SSU72: variants seen among roughly 807,000 people sequenced by gnomAD.
The protein encoded by SSU72 is RNA polymerase II subunit A C-terminal domain phosphatase SSU72.
Under a neutral mutation model 22.7 loss-of-function variants are expected in SSU72, and 12 were observed. The ratio of observed to expected loss-of-function variants is 0.53; its 90% CI spans 0.34 to 0.86. The LOEUF (loss-of-function observed/expected upper bound fraction) is 0.86, where lower values mean the gene tolerates loss of function less well. Among genes scored for constraint, SSU72 ranks in the 40% least tolerant of loss-of-function variants. The pLI, the probability that SSU72 is intolerant of heterozygous loss-of-function variation, is 0.02. For missense variants in SSU72, 151 were observed against 249.8 expected, an observed-to-expected ratio of 0.60 and a Z score of 2.67; for synonymous variants, 116 against 98.3, an observed-to-expected ratio of 1.18 and a Z score of -1.06.
rs977075731 is a variant in SSU72 at position 1,554,361 on chromosome 1, C to A, written c.225-9359G>T. Among the ~76,000 whole-genome samples the A allele has an allele frequency of 6.6e-6, 1 of 151,892 alleles. No homozygotes were observed. The highest frequency in any genetic ancestry group is 1.5e-5 in the Non-Finnish European group (1 of 67,948). On this transcript the variant is annotated intron_variant, in intron 2 of 4. Coordinates refer to ENST00000291386, the MANE Select transcript of SSU72 (RefSeq NM_014188.3). The surrounding 1 kb of genome is among the most constrained non-coding windows in gnomAD (Gnocchi z 4.1). ...GATCCGGACCACTCGGGGGTCCCCA[C>A]GAAGCTGAGCATGAGGCGGATCCGG...
At chr1:1,547,982 G>A (rs945931036) in intron 2 of SSU72, among the ~76,000 whole-genome samples, 2 of 152,240 alleles carry the variant, frequency 1.3e-5, no homozygotes, top group East Asian at 1.9e-4. Context: ...GCAAGAAGGC[G>A]ACACCAGGCG....
chr1:1,557,838 T>C (rs1163496601), intron 2 of SSU72, among the ~76,000 whole-genome samples: 1 of 152,064 alleles, frequency 6.6e-6, no homozygotes, highest in Non-Finnish European at 1.5e-5. Flanking sequence ...GACAAGGAAA[T>C]GTCCACAGGG....
In SSU72 at chr1:1,560,246, G is replaced by A. The variant is rs78755737; in HGVS notation, c.224+4527C>T. The stretch of plus-strand genomic sequence containing the variant: ...CTTCCTCAGGCTGGAGCACAATGGC[G>A]CAATCACAGCTCAGTGAAGCCTCCT... On this transcript the variant is annotated intron_variant, in intron 2 of 4. Transcript: ENST00000291386. Among the ~76,000 whole-genome samples, 771 of 152,244 alleles carry A rather than the reference G, an allele frequency of 5.1e-3. 18 individuals carry two copies. In the East Asian group the frequency reaches 0.078, roughly 15 times the overall value.
At position 1,541,856 on chromosome 1, in the gene SSU72, C is replaced by T; in HGVS notation, c.*210G>A. 1 of 560,714 alleles carries T rather than the reference C, an allele frequency of 1.8e-6. No individual in the cohort carries two copies. Among genetic ancestry groups the T allele is most frequent in the Non-Finnish European group, 3.2e-6 (1 of 313,660 alleles). The allele number at this position is 560,714 out of a possible 1,614,324, so 34.7% of individuals were successfully genotyped here. On this transcript the variant is annotated 3_prime_UTR_variant, in exon 5 of 5. Coordinates refer to ENST00000291386, the MANE Select transcript of SSU72 (RefSeq NM_014188.3). ...GGTTAAAGAAGAAAAACTTTGTAAT[C>T]AATATCCTGCTCATAAGTAAAAGTG... is the stretch of plus-strand genomic sequence containing the variant.
At chr1:1,549,992 T>C (rs1440563698) in intron 2 of SSU72, among the ~76,000 whole-genome samples, 1 of 140,918 alleles carries the variant, frequency 7.1e-6, no homozygotes, top group Non-Finnish European at 1.5e-5. Context: ...AAAAAAAAGA[T>C]GGCAAAACCC....
At chr1:1,571,593 G>A (rs1250256611) in intron 1 of SSU72, among the ~76,000 whole-genome samples, 2 of 152,062 alleles carry the variant, frequency 1.3e-5, no homozygotes, top group Admixed American at 1.3e-4. Context: ...GGCGGCACAG[G>A]TAAAAGCACA....
intron 1 of SSU72, among the ~76,000 whole-genome samples, chr1:1,571,039 G>A (rs984665525): frequency 2.6e-5 from 4 of 152,112 alleles, no homozygotes; most frequent in Non-Finnish European, 5.9e-5. Context: ...GAGGTCAGGA[G>A]ATCGAGGCCA....
chr1:1,566,083 C>A (rs964330157), intron 1 of SSU72, among the ~76,000 whole-genome samples: 1 of 150,848 alleles, frequency 6.6e-6, no homozygotes, highest in Non-Finnish European at 1.5e-5. Flanking sequence ...AGGCGAAACC[C>A]CAGCTCCGTT....
Position 1,559,468 on chromosome 1 carries a change from A to G in SSU72, c.224+5305T>C, listed in dbSNP as rs933498226. ...TTGTACATTTTATCTCAATAAAAAC[A>G]ATTCTTGATAAAACGGTCAGTCCAC... On this transcript the variant is annotated intron_variant, in intron 2 of 4. Transcript: ENST00000291386. Among the ~76,000 whole-genome samples the G allele has an allele frequency of 2.0e-5, 3 of 152,208 alleles. No individual in the cohort carries two copies. The East Asian group carries it at 5.8e-4, about 29-fold the overall frequency.
At chr1:1,571,600 C>T (rs1642732264) in intron 1 of SSU72, among the ~76,000 whole-genome samples, 1 of 152,090 alleles carries the variant, frequency 6.6e-6, no homozygotes, top group African/African-American at 2.4e-5. Context: ...CAGGTAAAAG[C>T]ACACCCAAGA....
In SSU72 at chr1:1,554,830, T is replaced by G. The variant is rs1310233423; in HGVS notation, c.225-9828A>C. 1.3e-5 allele frequency among the ~76,000 whole-genome samples: 2 copies of G among 152,170 alleles called. No individual in the cohort carries two copies. Among genetic ancestry groups the G allele is most frequent in the Non-Finnish European group, 2.9e-5 (2 of 68,022 alleles). On this transcript the variant is annotated intron_variant, in intron 2 of 4. Coordinates refer to ENST00000291386, the MANE Select transcript of SSU72 (RefSeq NM_014188.3). The surrounding 1 kb of genome is among the most constrained non-coding windows in gnomAD (Gnocchi z 4.1). ...CAGCCCAGCACCATCCTGGGTTCCCTGCTGCCGGCGCCAGCCCCACGTACC... is the reference window on the plus strand; with the variant it reads ...CAGCCCAGCACCATCCTGGGTTCCCGGCTGCCGGCGCCAGCCCCACGTACC...
chr1:1,543,929 G>T lies in SSU72; in HGVS notation c.423C>A (p.Ile141=), dbSNP rs1191968210. 6.2e-7 allele frequency: 1 copy of T among 1,614,124 alleles called. No individual in the cohort carries two copies. ...GGGTGGCCTCCTCGTGGTTGTCCTGGATGTCCACATTGACCACGTGCACAG... is the reference window on the plus strand; with the variant it reads ...GGGTGGCCTCCTCGTGGTTGTCCTGTATGTCCACATTGACCACGTGCACAG... The part of the protein sequence containing the change: ...CQPVHVVNVD[I]QDNHEEATLG... The change falls in exon 4 of 5, where the codon ATC becomes ATA. Residue 141 remains isoleucine, a synonymous_variant. Coordinates refer to ENST00000291386, the MANE Select transcript of SSU72 (RefSeq NM_014188.3).
intron 1 of SSU72, among the ~76,000 whole-genome samples, chr1:1,570,259 T>C (rs1482675132): frequency 6.8e-6 from 1 of 146,084 alleles, no homozygotes; most frequent in Admixed American, 6.9e-5. Context: ...ATCACGCCAC[T>C]GCACTCCAGC....
chr1:1,544,921 T>A lies in SSU72; in HGVS notation c.306A>T (p.Lys102Asn). 6.2e-7 allele frequency: 1 copy of A among 1,614,214 alleles called. No homozygotes were observed. ...KPRPERFQNC[K>N]DLFDLILTCE... ...AAGTGAGGATCAGATCAAACAGGTC[T>A]TTGCAGTTCTGGAATCTTTCTGGCC... Residue 102 changes from lysine to asparagine, a missense_variant, in exon 3 of 5, where the codon AAA (lysine) becomes AAT (asparagine). By Grantham distance (94) the Lys-to-Asn change is moderately conservative. Coordinates refer to ENST00000291386, the MANE Select transcript of SSU72 (RefSeq NM_014188.3).
At position 1,574,643 on chromosome 1, in the gene SSU72, T is replaced by G; in HGVS notation, c.-86A>C. Reference sequence around the variant, plus strand: ...CGCGCGAACAAAATGGCGGCCGCGGTGGCCGGAAGCGGGCGACGCGAAACG... The same window carrying G: ...CGCGCGAACAAAATGGCGGCCGCGGGGGCCGGAAGCGGGCGACGCGAAACG... On this transcript the variant is annotated 5_prime_UTR_variant, in exon 1 of 5. Coordinates refer to ENST00000291386, the MANE Select transcript of SSU72 (RefSeq NM_014188.3). The G allele has an allele frequency of 1.4e-5, 18 of 1,324,752 alleles. No homozygotes were observed. The highest frequency in any genetic ancestry group is 2.2e-5 in the African/African-American group (1 of 46,088). 82.1% of individuals were successfully genotyped at this position (1,324,752 alleles called of 1,614,324 possible). A position where few individuals can be genotyped will look rare whatever the true frequency, so the allele number is the denominator to read the frequency against.
chr1:1,555,636 G>A (rs1642512468), intron 2 of SSU72, among the ~76,000 whole-genome samples: 1 of 152,232 alleles, frequency 6.6e-6, no homozygotes, highest in African/African-American at 2.4e-5. Context: ...CTCCCGGGAT[G>A]GACTGGGATC....
At chr1:1,569,530 G>C (rs535597428) in intron 1 of SSU72, among the ~76,000 whole-genome samples, 1 of 152,108 alleles carries the variant, frequency 6.6e-6, no homozygotes. Flanking sequence ...TTGGTTTGTC[G>C]TCCAGCCAGG....
intron 2 of SSU72, among the ~76,000 whole-genome samples, chr1:1,556,352 G>C (rs1570390324): frequency 6.6e-6 from 1 of 152,070 alleles, no homozygotes; most frequent in African/African-American, 2.4e-5. Flanking sequence ...AGAATCACTT[G>C]AACAAGGTGA....
chr1:1,564,286 T>G (rs1009017707), intron 2 of SSU72: 28 of 532,328 alleles, frequency 5.3e-5, no homozygotes, highest in East Asian at 5.2e-4. Context: ...CTCCCATTAT[T>G]TCTTCTAACA....
Sources: allele counts gnomAD v4.1 joint callset (sites outside exome capture counted in the v4.1 genomes callset), GRCh38; gene constraint gnomAD v4.1.1; non-coding constraint Gnocchi (gnomAD v3.1); transcripts MANE v1.5; gene names NCBI Gene and HGNC (gene_info 2026-07-23, HGNC 2026-07-21).